BRAF: variants seen among roughly 807,000 people sequenced by gnomAD.
BRAF encodes the protein B-Raf proto-oncogene, serine/threonine kinase.
BRAF carries 16 observed loss-of-function variants against 104.6 expected under a neutral mutation model. That is an observed-to-expected ratio of 0.15 (90% CI 0.10 to 0.23). The LOEUF is 0.23. BRAF is among the 10% of genes least tolerant of loss of function. The pLI is 1.00. For missense variants in BRAF, 541 were observed against 937.3 expected (o/e 0.58, Z 5.52); for synonymous variants, 310 against 341.6 (o/e 0.91, Z 1.02).
intron 1 of BRAF, among the ~76,000 whole-genome samples, chr7:140,856,182 T>C (rs1267412034): frequency 6.6e-6 from 1 of 150,874 alleles, no homozygotes; most frequent in East Asian, 1.9e-4. Flanking sequence ...TAATACTTAA[T>C]AGGTCAAAGG....
intron 8 of BRAF, among the ~76,000 whole-genome samples, chr7:140,793,430 A>G (rs966527915): frequency 6.6e-6 from 1 of 152,170 alleles, no homozygotes; most frequent in Admixed American, 6.5e-5. Context: ...AAAAATAGAG[A>G]AAATTTCTTA....
intron 16 of BRAF, among the ~76,000 whole-genome samples, chr7:140,750,942 A>G (rs1219321538): frequency 1.3e-5 from 2 of 152,222 alleles, no homozygotes; most frequent in African/African-American, 2.4e-5. Flanking sequence ...CTCTCCTAAG[A>G]TACAAATAAA....
At chr7:140,868,823 T>C (rs1205151048) in intron 1 of BRAF, among the ~76,000 whole-genome samples, 4 of 152,188 alleles carry the variant, frequency 2.6e-5, no homozygotes, top group Non-Finnish European at 5.9e-5. Flanking sequence ...TGAACTATAG[T>C]GTAAATGCCA....
At chr7:140,739,401 T>A (rs1297946927) in intron 18 of BRAF, among the ~76,000 whole-genome samples, 1 of 152,080 alleles carries the variant, frequency 6.6e-6, no homozygotes, top group African/African-American at 2.4e-5. Context: ...ATAATAGAAC[T>A]GTTTTTTTCT....
intron 1 of BRAF, among the ~76,000 whole-genome samples, chr7:140,892,335 T>A (rs1024731179): frequency 6.6e-6 from 1 of 152,198 alleles, no homozygotes; most frequent in African/African-American, 2.4e-5. Context: ...TATCCAATTA[T>A]GAAATCCCAA....
chr7:140,797,739 G>T (rs1802635549), intron 7 of BRAF, among the ~76,000 whole-genome samples: 2 of 151,900 alleles, frequency 1.3e-5, no homozygotes, highest in Admixed American at 1.3e-4. Flanking sequence ...ATTTCATTAG[G>T]GTGTTTTATA....
intron 17 of BRAF, 178 bp from the exon 17 acceptor site, chr7:140,740,124 A>G: frequency 1.6e-6 from 1 of 632,718 alleles, no homozygotes; most frequent in South Asian, 2.0e-5. Flanking sequence ...AACCCACAAA[A>G]GGAGTGCAAG....
At chr7:140,846,827 T>A (rs1254334530) in intron 2 of BRAF, among the ~76,000 whole-genome samples, 3 of 152,176 alleles carry the variant, frequency 2.0e-5, no homozygotes, top group Non-Finnish European at 2.9e-5. Flanking sequence ...TACAGGTCTT[T>A]TCTCTTGGGC....
chr7:140,808,170 G>T, intron 4 of BRAF, 108 bp from the exon 5 acceptor site: 1 of 842,406 alleles, frequency 1.2e-6, no homozygotes, highest in East Asian at 2.6e-5. Context: ...TAACAGTGAG[G>T]GAGGTTTGGC....
At chr7:140,813,068 A>G (rs929264390) in intron 3 of BRAF, among the ~76,000 whole-genome samples, 1 of 152,188 alleles carries the variant, frequency 6.6e-6, no homozygotes, top group Admixed American at 6.5e-5. Flanking sequence ...AGCTAAAAAA[A>G]AACTTTTGGA....
rs1443155060 is a variant in BRAF at position 140,794,413 on chromosome 7, G to A, written c.1035C>T (p.Pro345=). Residue 345 remains proline, a synonymous_variant, in exon 8 of 20, where the codon CCC becomes CCT. Transcript: ENST00000644969. ...SPSKSIPIPQ[P]FRPADEDHRN... is the part of the protein sequence containing the mutation. Reference sequence around the variant, plus strand: ...GATGATCTTCATCTGCTGGTCGGAAGGGCTGTGGAATTGGAATGGATTTTG... The same window carrying A: ...GATGATCTTCATCTGCTGGTCGGAAAGGCTGTGGAATTGGAATGGATTTTG... 1 of 1,613,922 alleles carries A rather than the reference G, an allele frequency of 6.2e-7. No individual in the cohort carries two copies. The highest frequency in any genetic ancestry group is 2.2e-5 in the East Asian group (1 of 44,892).
At chr7:140,744,960 G>A (rs1285806681) in intron 17 of BRAF, among the ~76,000 whole-genome samples, 1 of 152,000 alleles carries the variant, frequency 6.6e-6, no homozygotes, top group Non-Finnish European at 1.5e-5. Flanking sequence ...TTATTGCAGA[G>A]ATGTAACTTA....
rs781052087 is a variant in BRAF, at chr7:140,798,747, G to A, written c.980+1615C>T. On this transcript the variant is annotated intron_variant, in intron 7 of 19. Transcript: ENST00000644969. ...AGGCAGGAAGATCACCTGAGGCCAG[G>A]AGTTCGAGAAATGTTCCAAAGTAAA... Among the ~76,000 whole-genome samples, 85 of 151,894 alleles carry A rather than the reference G, an allele frequency of 5.6e-4. No homozygotes were observed. Among genetic ancestry groups the A allele is most frequent in the Non-Finnish European group, 1.0e-3 (70 of 67,972 alleles).
At chr7:140,767,614 T>C (rs1341239392) in intron 14 of BRAF, among the ~76,000 whole-genome samples, 2 of 152,168 alleles carry the variant, frequency 1.3e-5, no homozygotes, top group African/African-American at 4.8e-5. Flanking sequence ...TGACAGTGTC[T>C]AAAAGAGGAC....
At chr7:140,815,309 G>GTT (rs569027448) in intron 3 of BRAF, among the ~76,000 whole-genome samples, 3 of 145,590 alleles carry the variant, frequency 2.1e-5, no homozygotes, top group African/African-American at 7.6e-5. Flanking sequence ...GGCTAATTTT[G>GTT]TTTTTTTTTG....
intron 1 of BRAF, among the ~76,000 whole-genome samples, chr7:140,912,749 T>C (rs1341915367): frequency 6.6e-6 from 1 of 152,230 alleles, no homozygotes; most frequent in Non-Finnish European, 1.5e-5. Context: ...GGTTTCACCA[T>C]GTTGGTCAGG....
chr7:140,873,709 C>T (rs1320712461), intron 1 of BRAF, among the ~76,000 whole-genome samples: 1 of 152,130 alleles, frequency 6.6e-6, no homozygotes, highest in Non-Finnish European at 1.5e-5. Flanking sequence ...TGGACAGGGC[C>T]CACACCTCCA....
At chr7:140,869,610 G>A (rs1404581805) in intron 1 of BRAF, among the ~76,000 whole-genome samples, 1 of 150,646 alleles carries the variant, frequency 6.6e-6, no homozygotes, top group African/African-American at 2.4e-5. Flanking sequence ...TCCAGTCTGG[G>A]CAGCAGACTG....
the BRAF span, among the ~76,000 whole-genome samples, chr7:140,713,838 C>T: frequency 2.6e-5 from 4 of 152,212 alleles, no homozygotes; most frequent in Non-Finnish European, 4.4e-5. Context: ...ACAGGACCAT[C>T]AGCTGCAGGT....
Sources: allele counts gnomAD v4.1 joint callset (sites outside exome capture counted in the v4.1 genomes callset), GRCh38; gene constraint gnomAD v4.1.1; transcripts MANE v1.5; gene names NCBI Gene and HGNC (gene_info 2026-07-23, HGNC 2026-07-21).